The following SPART variants were observed in gnomAD, a reference collection of about 807,000 sequenced individuals.
SPART encodes spastic paraplegia 20 (Troyer syndrome).
A neutral mutation model predicts 58.7 loss-of-function variants in SPART; 35 were observed. The observed-to-expected ratio is 0.60, with a 90% confidence interval of 0.46 to 0.79. The LOEUF is 0.79. Among genes scored for constraint, SPART ranks in the 30% least tolerant of loss-of-function variants. SPART has a pLI of 0.00. For missense variants in SPART, 730 were observed against 786.1 expected (o/e 0.93, Z 0.85); for synonymous variants, 284 against 280.7 (o/e 1.01, Z -0.12).
chr13:36,322,809 AAT>A (rs1406592064), intron 5 of SPART, among the ~76,000 whole-genome samples: 1 of 152,172 alleles, frequency 6.6e-6, no homozygotes, highest in Admixed American at 6.5e-5. Context: ...GTATAAATTG[AAT>A]ATATGATTGC....
rs1566150157 is a variant in SPART, at chr13:36,361,560, A to G, written c.-3+8529T>C. Among the ~76,000 whole-genome samples, 5 of 152,216 alleles carry G rather than the reference A, an allele frequency of 3.3e-5. No individual in the cohort carries two copies. In the South Asian group the frequency reaches 8.3e-4, roughly 25 times the overall value. ...GCTGGGATTACAGGTGCCCACCACC[A>G]CGCCCAGCTAATTTTGTATTTTTAG... On this transcript the variant is annotated intron_variant, in intron 1 of 8. Coordinates refer to the SPART transcript ENST00000355182.
intron 1 of SPART, among the ~76,000 whole-genome samples, chr13:36,342,772 C>A (rs1195907033): frequency 1.3e-5 from 2 of 152,132 alleles, no homozygotes; most frequent in African/African-American, 4.8e-5. Context: ...GGGACATACA[C>A]CAACGACATG....
At chr13:36,307,826 T>A (rs1566106498) in intron 8 of SPART, among the ~76,000 whole-genome samples, 1 of 152,154 alleles carries the variant, frequency 6.6e-6, no homozygotes, top group Non-Finnish European at 1.5e-5. Flanking sequence ...ATATTTTTTA[T>A]GCATTTAGCT....
At chr13:36,359,929 A>AAAAAAC (rs1477821047) in intron 1 of SPART, among the ~76,000 whole-genome samples, 3 of 151,178 alleles carry the variant, frequency 2.0e-5, no homozygotes, top group African/African-American at 4.9e-5. Context: ...AATTTAAAAA[A>AAAAAAC]AAAAAAAAAA....
chr13:36,319,556 A>G (rs372965335), intron 5 of SPART, among the ~76,000 whole-genome samples: 1 of 151,924 alleles, frequency 6.6e-6, no homozygotes, highest in Non-Finnish European at 1.5e-5. Flanking sequence ...CTGAAACCAG[A>G]CAAGCCTTAC....
At chr13:36,334,727 T>G (rs1883789753) in intron 2 of SPART, among the ~76,000 whole-genome samples, 1 of 152,118 alleles carries the variant, frequency 6.6e-6, no homozygotes, top group African/African-American at 2.4e-5. Flanking sequence ...GAAATTAAAC[T>G]TATTAGATTT....
At chr13:36,355,879 G>A (rs765106436) in intron 1 of SPART, among the ~76,000 whole-genome samples, 25 of 152,164 alleles carry the variant, frequency 1.6e-4, no homozygotes, top group Non-Finnish European at 3.4e-4. Flanking sequence ...TAACGTAATA[G>A]CTCCTTGGCA....
intron 1 of SPART, among the ~76,000 whole-genome samples, chr13:36,358,667 A>G (rs1032326433): frequency 6.6e-6 from 1 of 152,236 alleles, no homozygotes; most frequent in Non-Finnish European, 1.5e-5. Context: ...ATAGCTGAGC[A>G]TCACTGAACT....
chr13:36,351,815 C>T (rs943511715), intron 1 of SPART, among the ~76,000 whole-genome samples: 1 of 152,124 alleles, frequency 6.6e-6, no homozygotes, highest in African/African-American at 2.4e-5. Flanking sequence ...CTTTTATTCA[C>T]ATGCTGAAAA....
At chr13:36,330,234 T>C (rs7327507) in intron 3 of SPART, among the ~76,000 whole-genome samples, 25,818 of 152,176 alleles carry the variant, frequency 0.17, 2,351 homozygotes, top group African/African-American at 0.22. Flanking sequence ...CAGTAAACAG[T>C]GAAGTGAAGA....
chr13:36,365,689 T>A (rs1566151907), intron 1 of SPART: 1 of 446,776 alleles, frequency 2.2e-6, no homozygotes, highest in Non-Finnish European at 4.6e-6. Flanking sequence ...TACTTGTAGA[T>A]GCCTTTAGAA....
At position 36,331,476 on chromosome 13, in the gene SPART, G is replaced by C. The variant is rs1883452162; in HGVS notation, c.931C>G (p.Leu311Val). 1 of 1,613,962 alleles carries C rather than the reference G, an allele frequency of 6.2e-7. No homozygotes were observed. Among genetic ancestry groups the C allele is most frequent in the African/African-American group, 1.3e-5 (1 of 74,894 alleles). ...TCATCCTCTGGTAACTCAGAGGACA[G>C]GACGACCCCCACAAAGCATCCTGCT... ...QAAGCFVGVV[L>V]SSELPEDDRE... The change falls in exon 3 of 9, where the codon CTG becomes GTG. Residue 311 changes from leucine (L) to valine (V), a missense_variant. Leu to Val is a conservative substitution (Grantham distance 32, BLOSUM62 1). Transcript: ENST00000438666.
chr13:36,344,571 T>G (rs1884884617), intron 1 of SPART, among the ~76,000 whole-genome samples: 1 of 152,154 alleles, frequency 6.6e-6, no homozygotes, highest in Non-Finnish European at 1.5e-5. Flanking sequence ...AAGAAAAAGG[T>G]TTATATTAAA....
intron 8 of SPART, among the ~76,000 whole-genome samples, chr13:36,311,493 A>AT (rs1417112221): frequency 2.5e-4 from 38 of 152,218 alleles, no homozygotes; most frequent in African/African-American, 8.7e-4. Flanking sequence ...AACATGGGGT[A>AT]TAAGAGTTTA....
rs766603155 is a variant in SPART at position 36,312,146 on chromosome 13, T to A, written c.1732A>T (p.Lys578Ter). 1 of 1,612,254 alleles carries A rather than the reference T, an allele frequency of 6.2e-7. No homozygotes were observed. Among genetic ancestry groups the A allele is most frequent in the South Asian group, 1.1e-5 (1 of 91,052 alleles). ...SAETVQTVRY[K>*]YGYNAGEATH... ...TCATTAAAATAAAATTCAACTTACT[T>A]GTATCTGACAGTTTGTACAGTTTCT... Residue 578 changes from lysine to a stop codon, truncating the protein, a stop_gained and splice_region_variant, in exon 8 of 9, where the codon AAA becomes TAA. Coordinates refer to ENST00000438666, the MANE Select transcript of SPART (RefSeq NM_015087.5). LOFTEE classifies it high-confidence loss of function.
chr13:36,312,040 T>C, intron 8 of SPART, 105 bp downstream of exon 8: 1 of 1,026,532 alleles, frequency 9.7e-7, no homozygotes, highest in South Asian at 1.3e-5. Flanking sequence ...TGACCTAAGA[T>C]CGCGCCATTG....
At chr13:36,319,071 G>C (rs1214277296) in intron 5 of SPART, among the ~76,000 whole-genome samples, 1 of 151,912 alleles carries the variant, frequency 6.6e-6, no homozygotes, top group African/African-American at 2.4e-5. Flanking sequence ...TGTTTCCCTT[G>C]CCTCCATAAC....
chr13:36,363,596 C>T (rs1187196752), intron 1 of SPART, among the ~76,000 whole-genome samples: 1 of 152,104 alleles, frequency 6.6e-6, no homozygotes, highest in Non-Finnish European at 1.5e-5. Flanking sequence ...TGCAGTTGGT[C>T]ACATTCTTGT....
chr13:36,367,691 G>A (rs1886117441), intron 1 of SPART, among the ~76,000 whole-genome samples: 1 of 152,180 alleles, frequency 6.6e-6, no homozygotes, highest in Admixed American at 6.5e-5. Context: ...AAGTAAACAG[G>A]GAGGTAGATG....
Sources: gnomAD v4.1 joint callset for allele counts (sites outside exome capture counted in the v4.1 genomes callset) on GRCh38, gnomAD v4.1.1 for gene constraint, MANE v1.5 for transcripts, NCBI Gene and HGNC (gene_info 2026-07-23, HGNC 2026-07-21) for gene names.